Variants in BANK1 observed in about 807,000 individuals in gnomAD.
BANK1 encodes the protein B cell scaffold protein with ankyrin repeats 1.
A neutral mutation model predicts 94.5 loss-of-function variants in BANK1; 95 were observed. That is an observed-to-expected ratio of 1.00 (90% CI 0.85 to 1.19). The LOEUF is 1.19. BANK1 is among the 50% of genes most tolerant of loss of function. The pLI, the probability that BANK1 is intolerant of heterozygous loss-of-function variation, is 0.00. For missense variants in BANK1, 987 were observed against 932.2 expected, an observed-to-expected ratio of 1.06 and a Z score of -0.77; for synonymous variants, 334 against 308.4, an observed-to-expected ratio of 1.08 and a Z score of -0.87.
At chr4:101,941,299 A>G (rs1723735005) in intron 7 of BANK1, among the ~76,000 whole-genome samples, 1 of 151,682 alleles carries the variant, frequency 6.6e-6, no homozygotes, top group Admixed American at 6.6e-5. Flanking sequence ...CTGTCCTAGT[A>G]TCAATCATTT....
chr4:101,975,460 G>A (rs1725091912), intron 7 of BANK1, among the ~76,000 whole-genome samples: 1 of 152,126 alleles, frequency 6.6e-6, no homozygotes, highest in Non-Finnish European at 1.5e-5. Context: ...AGAATATGGT[G>A]GTTAGAGCAT....
intron 6 of BANK1, among the ~76,000 whole-genome samples, chr4:101,914,709 T>C (rs947546117): frequency 1.3e-5 from 2 of 152,108 alleles, no homozygotes; most frequent in Admixed American, 6.6e-5. Context: ...ACACTGTTGA[T>C]TCAAAGTGAA....
At chr4:101,829,760 C>A in intron 1 of BANK1, 48 bp from the exon 2 acceptor site, 1 of 1,248,502 alleles carries the variant, frequency 8.0e-7, no homozygotes, top group Non-Finnish European at 1.1e-6. Flanking sequence ...AATAATTTAA[C>A]CTGCTGATAG....
chr4:101,927,679 G>T (rs1376097252), intron 7 of BANK1, among the ~76,000 whole-genome samples: 2 of 151,678 alleles, frequency 1.3e-5, no homozygotes, highest in Admixed American at 1.3e-4. Flanking sequence ...AAGAAAGTGT[G>T]TAGTTACTGA....
At chr4:102,021,030 G>A (rs902491509) in intron 7 of BANK1, among the ~76,000 whole-genome samples, 21 of 152,252 alleles carry the variant, frequency 1.4e-4, no homozygotes, top group Admixed American at 3.9e-4. Flanking sequence ...GACAAATAAA[G>A]AGAAGTACCC....
chr4:101,953,561 G>A (rs140661190), intron 7 of BANK1, among the ~76,000 whole-genome samples: 3 of 151,828 alleles, frequency 2.0e-5, no homozygotes, highest in Admixed American at 2.0e-4. Flanking sequence ...AAAATCAAGT[G>A]TTTCAAAGTA....
rs746235537 is a variant in BANK1 at position 101,855,085 on chromosome 4, C to T, written c.520C>T (p.His174Tyr). The T allele has an allele frequency of 8.1e-6, 13 of 1,613,320 alleles. No homozygotes were observed. The African/African-American group carries it at 9.3e-5, about 12-fold the overall frequency. Residue 174 changes from histidine to tyrosine, a missense_variant, in exon 3 of 17, where the codon CAT becomes TAT. Coordinates refer to ENST00000322953, the MANE Select transcript of BANK1 (RefSeq NM_017935.5). ...CATTCCAACAGACCTACGAGCAAAA[C>T]ATTCTGGGGAAATAAGTGAGAGAAA... The part of the protein sequence containing the change: ...VNIPTDLRAK[H>Y]SGEISERKEI...
intron 7 of BANK1, among the ~76,000 whole-genome samples, chr4:101,966,357 T>C (rs1269322011): frequency 1.3e-5 from 2 of 151,994 alleles, no homozygotes; most frequent in Non-Finnish European, 2.9e-5. Flanking sequence ...AGCAAGGCAT[T>C]GGTTTGTTAT....
chr4:101,918,222 A>C, intron 7 of BANK1, 33 bp downstream of exon 7: 1 of 1,420,648 alleles, frequency 7.0e-7, no homozygotes, highest in Non-Finnish European at 9.5e-7. Flanking sequence ...ATCTCTGTAT[A>C]TTCTGTTTGA....
chr4:102,061,193 A>T (rs184286757), intron 12 of BANK1, among the ~76,000 whole-genome samples: 19 of 152,338 alleles, frequency 1.2e-4, no homozygotes, highest in African/African-American at 4.3e-4. Context: ...CTTTCCCAAG[A>T]GATAATTTTT....
intron 7 of BANK1, among the ~76,000 whole-genome samples, chr4:101,932,741 A>G (rs1237864657): frequency 2.0e-5 from 3 of 151,550 alleles, no homozygotes; most frequent in African/African-American, 7.3e-5. Flanking sequence ...TTCCTCTGGG[A>G]AAATATATAC....
intron 10 of BANK1, among the ~76,000 whole-genome samples, chr4:102,035,690 T>A (rs912292946): frequency 2.0e-5 from 3 of 151,940 alleles, no homozygotes; most frequent in African/African-American, 7.2e-5. Flanking sequence ...ATTTTTTTTA[T>A]CAAGATATAT....
At chr4:102,047,125 A>C (rs1377935353) in intron 11 of BANK1, among the ~76,000 whole-genome samples, 1 of 152,114 alleles carries the variant, frequency 6.6e-6, no homozygotes, top group Non-Finnish European at 1.5e-5. Flanking sequence ...CACCCACTGA[A>C]CTATTAAATA....
chr4:102,025,274 T>A lies in BANK1; in HGVS notation c.1359T>A (p.Asn453Lys). 1 of 1,613,430 alleles carries A rather than the reference T, an allele frequency of 6.2e-7. No homozygotes were observed. The highest frequency in any genetic ancestry group is 8.5e-7 in the Non-Finnish European group (1 of 1,179,878). The change falls in exon 9 of 17, where the codon AAT (asparagine) becomes AAA (lysine). Residue 453 changes from asparagine to lysine, a missense_variant. Coordinates refer to ENST00000322953, the MANE Select transcript of BANK1 (RefSeq NM_017935.5). ...AGAGTGCAGATGGAGCTGAGGCAAA[T>A]GAAATGGAAGGGGAAGGAAAACAGA... ...YGQSADGAEA[N>K]EMEGEGKQNG...
At chr4:101,830,305 G>T in intron 2 of BANK1, 99 bp downstream of exon 2, 2 of 988,796 alleles carry the variant, frequency 2.0e-6, no homozygotes, top group South Asian at 4.3e-5. Context: ...CTGGTGTCAG[G>T]ATAGGAATAA....
intron 7 of BANK1, among the ~76,000 whole-genome samples, chr4:101,930,343 ATTCT>A (rs1026538824): frequency 3.2e-4 from 48 of 151,546 alleles, no homozygotes; most frequent in African/African-American, 1.0e-3. Context: ...AAAAGAATAA[ATTCT>A]TTCTAAAATT....
At chr4:102,061,673 A>T (rs1221432081) in intron 12 of BANK1, 2 of 152,158 alleles carry the variant, frequency 1.3e-5, no homozygotes, top group Admixed American at 6.5e-5. Context: ...TCCAACCTAA[A>T]TATCATTTTG....
intron 7 of BANK1, among the ~76,000 whole-genome samples, chr4:101,936,321 GTATCCATACATA>G (rs1185704113): frequency 7.4e-6 from 1 of 134,424 alleles, no homozygotes; most frequent in African/African-American, 2.5e-5. Context: ...GTACACATAT[GTATCCATACATA>G]TATATGTACA....
intron 7 of BANK1, among the ~76,000 whole-genome samples, chr4:101,974,289 T>C (rs1725053314): frequency 6.6e-6 from 1 of 152,124 alleles, no homozygotes. Context: ...TTAGCCGCTT[T>C]CACTCCTTTT....
Sources: gnomAD v4.1 joint callset for allele counts (sites outside exome capture counted in the v4.1 genomes callset) on GRCh38, gnomAD v4.1.1 for gene constraint, MANE v1.5 for transcripts, NCBI Gene and HGNC (gene_info 2026-07-23, HGNC 2026-07-21) for gene names.